The following HELZ variants were observed in gnomAD, a reference collection of about 807,000 sequenced individuals.
HELZ encodes helicase with zinc finger.
HELZ carries 23 observed loss-of-function variants against 218.2 expected under a neutral mutation model. That is an observed-to-expected ratio of 0.11 (90% confidence interval 0.08 to 0.15). The LOEUF (loss-of-function observed/expected upper bound fraction) is 0.15. HELZ is among the 10% of genes least tolerant of loss of function. HELZ has a pLI of 1.00. For missense variants in HELZ, 1,813 were observed against 2,353.7 expected (o/e 0.77, Z 4.75); for synonymous variants, 814 against 829.4 (o/e 0.98, Z 0.32).
intron 21 of HELZ, 52 bp downstream of exon 21, chr17:67,145,691 T>C: frequency 1.4e-6 from 2 of 1,456,682 alleles, no homozygotes; most frequent in South Asian, 1.2e-5. Flanking sequence ...TTAACAAAAC[T>C]AGACGATGTG....
intron 32 of HELZ, among the ~76,000 whole-genome samples, chr17:67,081,787 TG>T (rs1466219646): frequency 4.6e-5 from 7 of 152,194 alleles, no homozygotes; most frequent in East Asian, 1.9e-4. Flanking sequence ...CAGAAATTTC[TG>T]TATGTGTATG....
chr17:67,241,181 C>T (rs756552752), intron 2 of HELZ, among the ~76,000 whole-genome samples: 14 of 152,166 alleles, frequency 9.2e-5, no homozygotes, highest in Non-Finnish European at 2.1e-4. Context: ...CTTAGAAATC[C>T]AATTACATCT....
chr17:67,111,943 T>G (rs564133151), intron 28 of HELZ, among the ~76,000 whole-genome samples: 1 of 152,338 alleles, frequency 6.6e-6, no homozygotes, highest in South Asian at 2.1e-4. Flanking sequence ...GTGTCAAGGT[T>G]GTTTATGAAT....
At chr17:67,146,546 C>T (rs2038503258) in intron 20 of HELZ, among the ~76,000 whole-genome samples, 1 of 152,020 alleles carries the variant, frequency 6.6e-6, no homozygotes, top group African/African-American at 2.4e-5. Flanking sequence ...AGAATGTGAC[C>T]CATGATTGTA....
chr17:67,095,147 T>A (rs914877183), intron 31 of HELZ, among the ~76,000 whole-genome samples: 5 of 152,226 alleles, frequency 3.3e-5, no homozygotes, highest in African/African-American at 7.2e-5. Flanking sequence ...CTAAATCCTT[T>A]GAACTCCTTT....
At chr17:67,088,439 A>G (rs2036459467) in intron 31 of HELZ, among the ~76,000 whole-genome samples, 1 of 152,248 alleles carries the variant, frequency 6.6e-6, no homozygotes, top group African/African-American at 2.4e-5. Flanking sequence ...AGCAGACATT[A>G]TCAAGCCAAT....
At chr17:67,149,741 G>C (rs1170673106) in intron 19 of HELZ, 126 bp downstream of exon 19, 1 of 530,682 alleles carries the variant, frequency 1.9e-6, no homozygotes, top group African/African-American at 2.0e-5. Context: ...TATTAGTACA[G>C]AACTATTTGA....
intron 4 of HELZ, among the ~76,000 whole-genome samples, chr17:67,217,318 T>C (rs935513315): frequency 2.0e-5 from 3 of 152,178 alleles, no homozygotes; most frequent in Non-Finnish European, 4.4e-5. Flanking sequence ...GGAAACCTGA[T>C]TGCTTCTATT....
chr17:67,164,621 C>G (rs1165725386), intron 15 of HELZ, among the ~76,000 whole-genome samples: 1 of 151,100 alleles, frequency 6.6e-6, no homozygotes, highest in Non-Finnish European at 1.5e-5. Flanking sequence ...CAATTAAAAA[C>G]TTTTTAAAAA....
At chr17:67,162,776 TCA>T (rs1403186353) in intron 15 of HELZ, among the ~76,000 whole-genome samples, 3 of 152,068 alleles carry the variant, frequency 2.0e-5, no homozygotes, top group Non-Finnish European at 2.9e-5. Context: ...TTCTTGCTCT[TCA>T]CTTCCTTCCA....
At chr17:67,190,596 A>G (rs1037367298) in intron 9 of HELZ, among the ~76,000 whole-genome samples, 2 of 152,222 alleles carry the variant, frequency 1.3e-5, no homozygotes, top group Non-Finnish European at 2.9e-5. Flanking sequence ...GGGGATCCTA[A>G]GGCATAGGTA....
intron 15 of HELZ, among the ~76,000 whole-genome samples, chr17:67,165,882 A>G (rs2039127849): frequency 6.6e-6 from 1 of 152,212 alleles, no homozygotes; most frequent in Non-Finnish European, 1.5e-5. Flanking sequence ...CTCACATCCC[A>G]GAACTCTGGC....
rs1488718156 is a variant in HELZ at position 67,074,893 on chromosome 17, T to G, written c.*3359A>C. The G allele has an allele frequency of 6.6e-6, 1 of 152,122 alleles. No homozygotes were observed. Among genetic ancestry groups the G allele is most frequent in the African/African-American group, 2.4e-5 (1 of 41,440 alleles). 9.4% of individuals were successfully genotyped at this position (152,122 alleles called of 1,614,324 possible). A position where few individuals can be genotyped will look rare whatever the true frequency, so the allele number is the denominator to read the frequency against. ...AAAAAAATCTACACAAAGCAGTTTGTTATTTCACGTGTAAAAAATGACCTG... is the reference window on the plus strand; with the variant it reads ...AAAAAAATCTACACAAAGCAGTTTGGTATTTCACGTGTAAAAAATGACCTG... On this transcript the variant is annotated 3_prime_UTR_variant, in exon 33 of 33. Transcript: ENST00000358691.
intron 9 of HELZ, among the ~76,000 whole-genome samples, chr17:67,191,000 G>A (rs928993074): frequency 4.6e-5 from 7 of 152,146 alleles, no homozygotes; most frequent in South Asian, 2.1e-4. Flanking sequence ...GAGCCACCAC[G>A]CCCAGCCAGA....
chr17:67,218,823 C>G lies in HELZ; in HGVS notation c.-18-1G>C. 6.2e-7 allele frequency: 1 copy of G among 1,607,944 alleles called. No homozygotes were observed. The highest frequency in any genetic ancestry group is 8.5e-7 in the Non-Finnish European group (1 of 1,174,448). On this transcript the variant is annotated splice_acceptor_variant, in intron 3 of 32. Transcript: ENST00000358691. LOFTEE classifies it low-confidence loss of function (5UTR_SPLICE). ...CTTCCATGACTCAGGGACAAAAATC[C>G]TACAGACAGGGAGAAAGAACAAGAG... is the stretch of plus-strand genomic sequence containing the variant.
chr17:67,205,156 G>A (rs943193189), intron 5 of HELZ, among the ~76,000 whole-genome samples: 9 of 151,842 alleles, frequency 5.9e-5, no homozygotes, highest in East Asian at 1.9e-4. Flanking sequence ...GTGAAACCCC[G>A]TCTCTACTAA....
chr17:67,089,418 G>GT (rs2036490390), intron 31 of HELZ, among the ~76,000 whole-genome samples: 1 of 151,870 alleles, frequency 6.6e-6, no homozygotes. Context: ...TATATCATTT[G>GT]TATCTTCCAA....
At chr17:67,106,381 C>T (rs1344302493) in intron 31 of HELZ, among the ~76,000 whole-genome samples, 1 of 151,220 alleles carries the variant, frequency 6.6e-6, no homozygotes, top group African/African-American at 2.5e-5. Context: ...TATCTTGGCT[C>T]ACTGCAAGCT....
intron 12 of HELZ, among the ~76,000 whole-genome samples, chr17:67,182,128 C>T (rs1419579827): frequency 2.0e-5 from 3 of 152,076 alleles, no homozygotes; most frequent in Admixed American, 2.0e-4. Flanking sequence ...CTAGATTAGG[C>T]TAAAGTGAAA....
Sources: gnomAD v4.1 joint callset for allele counts (sites outside exome capture counted in the v4.1 genomes callset) on GRCh38, gnomAD v4.1.1 for gene constraint, MANE v1.5 for transcripts, NCBI Gene and HGNC (gene_info 2026-07-23, HGNC 2026-07-21) for gene names.